The following ANKS1A variants were observed in gnomAD, a reference collection of about 807,000 sequenced individuals.
The protein encoded by ANKS1A is ankyrin repeat and SAM domain-containing protein 1A.
A neutral mutation model predicts 120.3 loss-of-function variants in ANKS1A; 55 were observed. The observed-to-expected ratio is 0.46, with a 90% CI of 0.37 to 0.57. The LOEUF (loss-of-function observed/expected upper bound fraction) is 0.57, where lower values mean the gene tolerates loss of function less well. ANKS1A is among the 20% of genes least tolerant of loss of function. ANKS1A has a pLI of 0.00. For synonymous variants in ANKS1A, 590 were observed against 604.7 expected (o/e 0.98, Z 0.36); for missense variants, 1,123 against 1,480.3 (o/e 0.76, Z 3.96).
chr6:35,043,792 C>T (rs1026631938), intron 11 of ANKS1A, among the ~76,000 whole-genome samples: 2 of 152,114 alleles, frequency 1.3e-5, no homozygotes, highest in African/African-American at 4.8e-5. Flanking sequence ...TCTCTGCCTT[C>T]CTTTTATTAC....
In ANKS1A at chr6:35,057,924, T is replaced by A. The variant is rs1776294482; in HGVS notation, c.2078-2223T>A. ...CTGTCGAACAAAGCTCTAGGAGCAG[T>A]CCCTCTCTATTCTTCCTGACAAGCT... On this transcript the variant is annotated intron_variant, in intron 12 of 23. Coordinates refer to ENST00000360359, the MANE Select transcript of ANKS1A (RefSeq NM_015245.3). The surrounding 1 kb of genome is among the most constrained non-coding windows in gnomAD (Gnocchi z 4.1). Among the ~76,000 whole-genome samples the A allele has an allele frequency of 6.6e-6, 1 of 152,202 alleles. No individual in the cohort carries two copies. The highest frequency in any genetic ancestry group is 2.1e-4 in the South Asian group (1 of 4,834).
intron 1 of ANKS1A, among the ~76,000 whole-genome samples, chr6:34,927,425 T>A (rs773369498): frequency 6.6e-6 from 1 of 151,994 alleles, no homozygotes; most frequent in Non-Finnish European, 1.5e-5. Flanking sequence ...GGGATATTGA[T>A]AAATGGGCAC....
chr6:34,932,447 C>T (rs895508789), intron 1 of ANKS1A, among the ~76,000 whole-genome samples: 15 of 151,794 alleles, frequency 9.9e-5, no homozygotes, highest in African/African-American at 3.1e-4. Flanking sequence ...TGCAGTGGTG[C>T]GATCTTGACT....
intron 11 of ANKS1A, among the ~76,000 whole-genome samples, chr6:35,052,375 C>T (rs1396212673): frequency 6.6e-6 from 1 of 151,844 alleles, no homozygotes. Context: ...CACTTGGGCT[C>T]AGGAGGTCAA....
At chr6:35,000,461 T>TAA (rs34756440) in intron 10 of ANKS1A, among the ~76,000 whole-genome samples, 3 of 146,710 alleles carry the variant, frequency 2.0e-5, no homozygotes, top group African/African-American at 7.6e-5. Flanking sequence ...AAAGTTCACT[T>TAA]AAAAAAAAAA....
chr6:35,015,133 C>T (rs1773935003), intron 10 of ANKS1A, among the ~76,000 whole-genome samples: 1 of 152,174 alleles, frequency 6.6e-6, no homozygotes, highest in Non-Finnish European at 1.5e-5. Context: ...TTGCTCAGGA[C>T]CTGACCTTTA....
At chr6:34,931,361 T>G (rs755436138) in intron 1 of ANKS1A, among the ~76,000 whole-genome samples, 35 of 152,182 alleles carry the variant, frequency 2.3e-4, no homozygotes, top group Non-Finnish European at 4.4e-4. Flanking sequence ...TTGGCCAGGC[T>G]GATCTCGAAC....
intron 11 of ANKS1A, among the ~76,000 whole-genome samples, chr6:35,028,712 C>CT (rs2127567787): frequency 6.6e-6 from 1 of 152,244 alleles, no homozygotes; most frequent in African/African-American, 2.4e-5. Flanking sequence ...CTGAACCTTG[C>CT]TTTTTTCATG....
Position 35,088,946 on chromosome 6 carries a change from C to A in ANKS1A, c.*337C>A. 1 of 1,277,134 alleles carries A rather than the reference C, an allele frequency of 7.8e-7. No homozygotes were observed. Among genetic ancestry groups the A allele is most frequent in the Non-Finnish European group, 1.0e-6 (1 of 1,001,956 alleles). 79.1% of individuals were successfully genotyped at this position (1,277,134 alleles called of 1,614,324 possible). On this transcript the variant is annotated 3_prime_UTR_variant, in exon 24 of 24. Coordinates refer to ENST00000360359, the MANE Select transcript of ANKS1A (RefSeq NM_015245.3). ...ACTTGGCTCAAACCTCTAGGTCATA[C>A]TGCCAATCTTTAGACAAATGGCCAT...
intron 11 of ANKS1A, among the ~76,000 whole-genome samples, chr6:35,023,045 C>T (rs867696729): frequency 9.8e-4 from 149 of 152,308 alleles, no homozygotes; most frequent in African/African-American, 3.4e-3. Flanking sequence ...TTTCTATCTG[C>T]TTATGTGTCG....
At chr6:35,032,066 G>A (rs1774936147) in intron 11 of ANKS1A, among the ~76,000 whole-genome samples, 1 of 152,230 alleles carries the variant, frequency 6.6e-6, no homozygotes, top group African/African-American at 2.4e-5. Flanking sequence ...AAACAAACAT[G>A]CAGCTTTTGA....
chr6:35,030,830 C>T (rs1391532131), intron 11 of ANKS1A, among the ~76,000 whole-genome samples: 2 of 152,214 alleles, frequency 1.3e-5, no homozygotes. Context: ...GCCAGGCAGG[C>T]ACGCCAGTTT....
At chr6:34,948,154 T>G (rs868507288) in intron 1 of ANKS1A, among the ~76,000 whole-genome samples, 1 of 151,382 alleles carries the variant, frequency 6.6e-6, no homozygotes, top group East Asian at 1.9e-4. Context: ...TTTAGGTGTT[T>G]TTTTTTTTTT....
Position 34,953,913 on chromosome 6 carries a change from G to A in ANKS1A, c.198-13326G>A, listed in dbSNP as rs1001510046. Reference sequence around the variant, plus strand: ...TTTCATAGAGTTTCAGCAGTTCTGTGCCTTCTTTACAGTTGTGCAACAGAA... The same window carrying A: ...TTTCATAGAGTTTCAGCAGTTCTGTACCTTCTTTACAGTTGTGCAACAGAA... On this transcript the variant is annotated intron_variant, in intron 1 of 23. Transcript: ENST00000360359. 2.0e-5 allele frequency among the ~76,000 whole-genome samples: 3 copies of A among 152,262 alleles called. No individual in the cohort carries two copies. In the East Asian group the frequency reaches 5.8e-4, roughly 29 times the overall value.
intron 1 of ANKS1A, among the ~76,000 whole-genome samples, chr6:34,915,353 G>C (rs1340959911): frequency 6.6e-6 from 1 of 152,184 alleles, no homozygotes; most frequent in Admixed American, 6.5e-5. Flanking sequence ...GCACAGGTCT[G>C]TATTTGTCAA....
At chr6:34,970,821 AC>A (rs1771145400) in intron 3 of ANKS1A, among the ~76,000 whole-genome samples, 1 of 149,896 alleles carries the variant, frequency 6.7e-6, no homozygotes, top group Non-Finnish European at 1.5e-5. Context: ...AGGAGCCCCA[AC>A]CCCCCAGGCC....
chr6:35,036,457 A>G (rs1775174613), intron 11 of ANKS1A, among the ~76,000 whole-genome samples: 1 of 152,256 alleles, frequency 6.6e-6, no homozygotes, highest in Admixed American at 6.5e-5. Flanking sequence ...TGACCTACTC[A>G]GAGTCTCACG....
At position 35,082,732 on chromosome 6, in the gene ANKS1A, C is replaced by G; in HGVS notation, c.2751C>G (p.Ser917Arg). 1.9e-6 allele frequency: 3 copies of G among 1,613,572 alleles called. No homozygotes were observed. The highest frequency in any genetic ancestry group is 2.5e-6 in the Non-Finnish European group (3 of 1,179,742). The change falls in exon 18 of 24, where the codon AGC becomes AGG. Residue 917 changes from serine to arginine, a missense_variant. Coordinates refer to ENST00000360359, the MANE Select transcript of ANKS1A (RefSeq NM_015245.3). The surrounding 1 kb of genome is among the most constrained non-coding windows in gnomAD (Gnocchi z 4.1). ...CCAAGCTGACCCTGCGGCCCCCGAG[C>G]CTGGCAGCCCCCTACGCCCCAGTGC... ...REAKLTLRPP[S>R]LAAPYAPVQS...
Position 34,998,996 on chromosome 6 carries a change from G to A in ANKS1A, c.1423+4574G>A, listed in dbSNP as rs58970294. ...CTCCTGGGTAGGCACTTGCCCTGAT[G>A]GGACGCCTTGCCAGAGCAGTGTGTG... On this transcript the variant is annotated intron_variant, in intron 10 of 23. Coordinates refer to ENST00000360359, the MANE Select transcript of ANKS1A (RefSeq NM_015245.3). 4.5e-3 allele frequency among the ~76,000 whole-genome samples: 689 copies of A among 152,348 alleles called. 5 individuals are homozygous for A. Among genetic ancestry groups the A allele is most frequent in the African/African-American group, 0.015 (614 of 41,568 alleles).
Sources: allele counts gnomAD v4.1 joint callset (sites outside exome capture counted in the v4.1 genomes callset), GRCh38; gene constraint gnomAD v4.1.1; non-coding constraint Gnocchi (gnomAD v3.1); transcripts MANE v1.5; gene names NCBI Gene and HGNC (gene_info 2026-07-23, HGNC 2026-07-21).